Variants in SOCS6 observed in about 807,000 individuals in gnomAD.
SOCS6 encodes the protein suppressor of cytokine signaling 6, also known as STAT induced STAT inhibitor-4.
A neutral mutation model predicts 27.7 loss-of-function variants in SOCS6; 5 were observed. That is an observed-to-expected ratio of 0.18 (90% confidence interval 0.09 to 0.38). The LOEUF (loss-of-function observed/expected upper bound fraction) is 0.38, where lower values mean the gene tolerates loss of function less well. Among genes scored for constraint, SOCS6 ranks in the 10% least tolerant of loss-of-function variants. The pLI, the probability that SOCS6 is intolerant of heterozygous loss-of-function variation, is 1.00. For synonymous variants in SOCS6, 271 were observed against 260.0 expected (o/e 1.04, Z -0.41); for missense variants, 595 against 688.1 (o/e 0.86, Z 1.51).
At position 70,324,904 on chromosome 18, in the gene SOCS6, G is replaced by C. The variant is rs1363031586; in HGVS notation, c.236G>C (p.Arg79Thr). The C allele has an allele frequency of 6.2e-7, 1 of 1,614,186 alleles. No individual in the cohort carries two copies. The highest frequency in any genetic ancestry group is 1.7e-5 in the Admixed American group (1 of 60,018). ...GAGAGCCTGATGGGTACGCTAAAAA[G>C]GCGGCTTTCTGCAAAACAGAAGTCA... ...KSESLMGTLK[R>T]RLSAKQKSKG... The change falls in exon 2 of 2, where the codon AGG becomes ACG. Residue 79 changes from arginine to threonine, a missense_variant. Transcript: ENST00000397942.
intron 1 of SOCS6, among the ~76,000 whole-genome samples, chr18:70,319,175 A>C (rs1464175424): frequency 6.6e-6 from 1 of 150,980 alleles, no homozygotes; most frequent in Non-Finnish European, 1.5e-5. Flanking sequence ...TCTCTTTTTT[A>C]TTTTTCCTTT....
chr18:70,292,529 G>C (rs1306914422), intron 1 of SOCS6, among the ~76,000 whole-genome samples: 1 of 151,968 alleles, frequency 6.6e-6, no homozygotes, highest in Non-Finnish European at 1.5e-5. Flanking sequence ...TTTAATTTTT[G>C]GTAGAGATGG....
intron 1 of SOCS6, among the ~76,000 whole-genome samples, chr18:70,321,682 A>T (rs2146294749): frequency 6.6e-6 from 1 of 152,028 alleles, no homozygotes; most frequent in East Asian, 1.9e-4. Flanking sequence ...ACCCACATAA[A>T]CAATGCTTCT....
Position 70,328,442 on chromosome 18 carries a change from T to C in SOCS6, c.*2166T>C, listed in dbSNP as rs1302640114. Reference sequence around the variant, plus strand: ...GTGGACATAACCTATTCCCTTCGTTTTCTCATCATGCCATGTGTTTAAGAT... The same window carrying C: ...GTGGACATAACCTATTCCCTTCGTTCTCTCATCATGCCATGTGTTTAAGAT... On this transcript the variant is annotated 3_prime_UTR_variant, in exon 2 of 2. Coordinates refer to ENST00000397942, the MANE Select transcript of SOCS6 (RefSeq NM_004232.4). 1 of 166,704 alleles carries C rather than the reference T, an allele frequency of 6.0e-6. No homozygotes were observed. The allele number at this position is 166,704 out of a possible 1,614,324, so 10.3% of individuals were successfully genotyped here. A position where few individuals can be genotyped will look rare whatever the true frequency, so the allele number is the denominator to read the frequency against.
intron 1 of SOCS6, among the ~76,000 whole-genome samples, chr18:70,306,477 CAAAAA>C (rs55702216): frequency 5.4e-5 from 5 of 92,664 alleles, no homozygotes; most frequent in South Asian, 4.0e-4. Context: ...GACTCCATCT[CAAAAA>C]AAAAAAAAAA....
Position 70,327,522 on chromosome 18 carries a change from C to T in SOCS6, c.*1246C>T, listed in dbSNP as rs1023751220. The T allele has an allele frequency of 9.6e-5, 16 of 166,410 alleles. No individual in the cohort carries two copies. Among genetic ancestry groups the T allele is most frequent in the Non-Finnish European group, 2.4e-4 (16 of 68,052 alleles). 10.3% of individuals were successfully genotyped at this position (166,410 alleles called of 1,614,324 possible). A position where few individuals can be genotyped will look rare whatever the true frequency, so the allele number is the denominator to read the frequency against. ...GTCATATTGTCTATCATATATACTG[C>T]CATTTAAAAATAGGTTTTTAAAATT... On this transcript the variant is annotated 3_prime_UTR_variant, in exon 2 of 2. Coordinates refer to ENST00000397942, the MANE Select transcript of SOCS6 (RefSeq NM_004232.4).
At chr18:70,293,891 G>C (rs1179321305) in intron 1 of SOCS6, among the ~76,000 whole-genome samples, 1 of 152,092 alleles carries the variant, frequency 6.6e-6, no homozygotes, top group East Asian at 1.9e-4. Context: ...AGGAGTTCGA[G>C]ACCAGCCTGG....
intron 1 of SOCS6, among the ~76,000 whole-genome samples, chr18:70,298,439 T>C (rs533826830): frequency 1.3e-5 from 2 of 152,336 alleles, no homozygotes; most frequent in South Asian, 4.1e-4. Context: ...GTGAATGGTA[T>C]TAAAAGAACT....
intron 1 of SOCS6, among the ~76,000 whole-genome samples, chr18:70,308,332 C>T (rs1340611540): frequency 6.6e-6 from 1 of 152,142 alleles, no homozygotes; most frequent in Non-Finnish European, 1.5e-5. Flanking sequence ...ATCCTCCTGC[C>T]CCAGCTTCCC....
At chr18:70,312,906 C>T (rs1315737509) in intron 1 of SOCS6, among the ~76,000 whole-genome samples, 2 of 151,314 alleles carry the variant, frequency 1.3e-5, no homozygotes, top group African/African-American at 4.9e-5. Flanking sequence ...TCCTGAGTAG[C>T]TGGGATTACA....
intron 1 of SOCS6, among the ~76,000 whole-genome samples, chr18:70,298,083 T>G (rs2062332069): frequency 6.6e-6 from 1 of 152,222 alleles, no homozygotes; most frequent in Non-Finnish European, 1.5e-5. Flanking sequence ...ACATGCATGT[T>G]GCCTTTCACA....
chr18:70,316,574 T>G (rs774401653), intron 1 of SOCS6, among the ~76,000 whole-genome samples: 1 of 152,208 alleles, frequency 6.6e-6, no homozygotes, highest in Non-Finnish European at 1.5e-5. Context: ...GAATTATACT[T>G]TTCATAATGT....
At chr18:70,321,497 T>A (rs1022340510) in intron 1 of SOCS6, among the ~76,000 whole-genome samples, 4 of 147,068 alleles carry the variant, frequency 2.7e-5, no homozygotes, top group African/African-American at 1.0e-4. Context: ...TTTTTTTTTT[T>A]TTTTTTTTGT....
At chr18:70,297,986 C>A (rs532304283) in intron 1 of SOCS6, among the ~76,000 whole-genome samples, 18 of 152,194 alleles carry the variant, frequency 1.2e-4, no homozygotes, top group Middle Eastern at 3.4e-3. Context: ...GAATAATGGG[C>A]AAATTGCTCT....
At position 70,298,423 on chromosome 18, in the gene SOCS6, A is replaced by G. The variant is rs146592111; in HGVS notation, c.-127+9333A>G. On this transcript the variant is annotated intron_variant, in intron 1 of 1. Coordinates refer to ENST00000397942, the MANE Select transcript of SOCS6 (RefSeq NM_004232.4). ...ATTTGTCATTGTCAGCTATAATCAT[A>G]TATAGGTGAATGGTATTAAAAGAAC... Among the ~76,000 whole-genome samples, 567 of 152,290 alleles carry G rather than the reference A, an allele frequency of 3.7e-3. 1 individual carries two copies. The highest frequency in any genetic ancestry group is 6.0e-3 in the Non-Finnish European group (409 of 68,016).
intron 1 of SOCS6, among the ~76,000 whole-genome samples, chr18:70,310,372 T>G (rs952334163): frequency 9.2e-5 from 14 of 151,672 alleles, no homozygotes; most frequent in African/African-American, 2.9e-4. Context: ...GACCTTCCTT[T>G]CCAGGCTTGG....
intron 1 of SOCS6, among the ~76,000 whole-genome samples, chr18:70,300,487 A>T (rs1276090967): frequency 1.3e-5 from 2 of 152,184 alleles, no homozygotes; most frequent in African/African-American, 4.8e-5. Context: ...TGACGTTATG[A>T]ATATTTGTTT....
At position 70,325,024 on chromosome 18, in the gene SOCS6, A is replaced by AGAGGCC; in HGVS notation, c.359_364dup (p.Arg120_Pro121dup). 1 of 1,614,170 alleles carries AGAGGCC rather than the reference A, an allele frequency of 6.2e-7. No individual in the cohort carries two copies. Among genetic ancestry groups the AGAGGCC allele is most frequent in the Non-Finnish European group, 8.5e-7 (1 of 1,180,032 alleles). ...ATAGTCTTTAAAGACGTGAGAGCTCAGAGGCCGATAAGGTCCACGTCGCTC... is the reference window on the plus strand; with the variant it reads ...ATAGTCTTTAAAGACGTGAGAGCTCAGAGGCCGAGGCCGATAAGGTCCACGTCGCTC... On this transcript the variant is annotated inframe_insertion, in exon 2 of 2. Coordinates refer to ENST00000397942, the MANE Select transcript of SOCS6 (RefSeq NM_004232.4). This position sits in a 1 kb window ranked among gnomAD's most constrained non-coding sequence, Gnocchi z 6.3.
chr18:70,324,228 G>A (rs1911098258), intron 1 of SOCS6, among the ~76,000 whole-genome samples: 1 of 151,918 alleles, frequency 6.6e-6, no homozygotes, highest in Admixed American at 6.6e-5. Flanking sequence ...CGTGAACCCA[G>A]GAGGCAGAGC....
Sources: gnomAD v4.1 joint callset for allele counts (sites outside exome capture counted in the v4.1 genomes callset) on GRCh38, gnomAD v4.1.1 for gene constraint, Gnocchi (gnomAD v3.1) non-coding constraint, MANE v1.5 for transcripts, NCBI Gene and HGNC (gene_info 2026-07-23, HGNC 2026-07-21) for gene names.